PAX5: variants seen among roughly 807,000 people sequenced by gnomAD.
The protein encoded by PAX5 is paired box 5.
Under a neutral mutation model 43.7 loss-of-function variants are expected in PAX5, and 9 were observed. The observed-to-expected ratio is 0.21, with a 90% CI of 0.12 to 0.36. The LOEUF (loss-of-function observed/expected upper bound fraction) is 0.36, where lower values mean the gene tolerates loss of function less well. PAX5 is among the 10% of genes least tolerant of loss of function. The pLI, the probability that PAX5 is intolerant of heterozygous loss-of-function variation, is 1.00. For synonymous variants in PAX5, 228 were observed against 214.3 expected (o/e 1.06, Z -0.56); for missense variants, 383 against 532.7 (o/e 0.72, Z 2.77).
At chr9:36,932,375 G>T (rs1350655326) in intron 6 of PAX5, among the ~76,000 whole-genome samples, 1 of 152,154 alleles carries the variant, frequency 6.6e-6, no homozygotes, top group Admixed American at 6.5e-5. Context: ...ATAAAATGTG[G>T]TATATCTACA....
At chr9:36,946,303 G>A (rs942067282) in intron 6 of PAX5, among the ~76,000 whole-genome samples, 2 of 152,186 alleles carry the variant, frequency 1.3e-5, no homozygotes, top group African/African-American at 2.4e-5. Flanking sequence ...GAGCATTTCC[G>A]TGTGTTTCTC....
chr9:37,027,054 T>C (rs1026737195), intron 1 of PAX5, among the ~76,000 whole-genome samples: 1 of 152,188 alleles, frequency 6.6e-6, no homozygotes, highest in African/African-American at 2.4e-5. Flanking sequence ...TCGATGCTTC[T>C]GAGGTCCCTC....
At chr9:36,929,671 TCA>T (rs1830966465) in intron 6 of PAX5, among the ~76,000 whole-genome samples, 1 of 152,204 alleles carries the variant, frequency 6.6e-6, no homozygotes, top group Non-Finnish European at 1.5e-5. Context: ...AGTCAGCAAT[TCA>T]CAGATTTCCC....
In PAX5 at chr9:36,833,786, T is replaced by C. The variant is rs1330994880; in HGVS notation, c.*6774A>G. 1 of 232,832 alleles carries C rather than the reference T, an allele frequency of 4.3e-6. No individual in the cohort carries two copies. Among genetic ancestry groups the C allele is most frequent in the African/African-American group, 2.2e-5 (1 of 45,296 alleles). The allele number at this position is 232,832 out of a possible 1,614,324, so 14.4% of individuals were successfully genotyped here. A position where few individuals can be genotyped will look rare whatever the true frequency, so the allele number is the denominator to read the frequency against. On this transcript the variant is annotated 3_prime_UTR_variant, in exon 10 of 10. Transcript: ENST00000358127. Reference sequence around the variant, plus strand: ...ATTTTTTAAGAAGCATTTTTTTTTTTCAATCCGTTGGAGACAGATCATCTC... The same window carrying C: ...ATTTTTTAAGAAGCATTTTTTTTTTCCAATCCGTTGGAGACAGATCATCTC...
chr9:36,840,351 C>CT lies in PAX5; in HGVS notation c.*208dup, dbSNP rs1821937031. ...CCATCGGGAGAAGCTCATAGATTGGCTTTTAGAAATAGACAAGCATCCAGA... is the reference window on the plus strand; with the variant it reads ...CCATCGGGAGAAGCTCATAGATTGGCTTTTTAGAAATAGACAAGCATCCAGA... On this transcript the variant is annotated 3_prime_UTR_variant, in exon 10 of 10. Transcript: ENST00000358127. 1 of 623,662 alleles carries CT rather than the reference C, an allele frequency of 1.6e-6. No individual in the cohort carries two copies. The highest frequency in any genetic ancestry group is 2.8e-6 in the Non-Finnish European group (1 of 351,102). 38.6% of individuals were successfully genotyped at this position (623,662 alleles called of 1,614,324 possible).
chr9:36,850,932 G>A lies in PAX5; in HGVS notation c.1013-4003C>T, dbSNP rs374546326. 3.9e-5 allele frequency among the ~76,000 whole-genome samples: 6 copies of A among 152,358 alleles called. No individual in the cohort carries two copies. In the East Asian group the frequency reaches 9.6e-4, roughly 24 times the overall value. Reference sequence around the variant, plus strand: ...AAAGCCTCATGGGACTGGGCCTGCAGTTGGCACTGTAAACTGGGCCCCAAA... The same window carrying A: ...AAAGCCTCATGGGACTGGGCCTGCAATTGGCACTGTAAACTGGGCCCCAAA... On this transcript the variant is annotated intron_variant, in intron 8 of 9. Coordinates refer to ENST00000358127, the MANE Select transcript of PAX5 (RefSeq NM_016734.3).
chr9:36,840,526 C>A lies in PAX5; in HGVS notation c.*34G>T, dbSNP rs1821949054. On this transcript the variant is annotated 3_prime_UTR_variant, in exon 10 of 10. Transcript: ENST00000358127. ...GGGTGGCTGTCACCCTCAATAGGTGCCATCAGTGTTTGGTGCCCGCCTGGC... is the reference window on the plus strand; with the variant it reads ...GGGTGGCTGTCACCCTCAATAGGTGACATCAGTGTTTGGTGCCCGCCTGGC... 6 of 1,560,924 alleles carry A rather than the reference C, an allele frequency of 3.8e-6. No homozygotes were observed. In the East Asian group the frequency reaches 1.4e-4, roughly 36 times the overall value.
chr9:36,845,811 TA>T (rs1822515619), intron 9 of PAX5, among the ~76,000 whole-genome samples: 1 of 152,234 alleles, frequency 6.6e-6, no homozygotes, highest in South Asian at 2.1e-4. Flanking sequence ...GACACCAGGT[TA>T]TGGCTTTTCT....
rs141525327 is a variant in PAX5, at chr9:36,924,618, G to A, written c.781-1134C>T. 2.2e-3 allele frequency among the ~76,000 whole-genome samples: 330 copies of A among 151,506 alleles called. 1 individual carries two copies. Among genetic ancestry groups the A allele is most frequent in the South Asian group, 3.8e-3 (18 of 4,764 alleles). Reference sequence around the variant, plus strand: ...ACCTGTAGTCCCAGCTACTCGGGAAGCTGAGGCGGGAAGATCGACTGAGCC... The same window carrying A: ...ACCTGTAGTCCCAGCTACTCGGGAAACTGAGGCGGGAAGATCGACTGAGCC... On this transcript the variant is annotated intron_variant, in intron 6 of 9. Transcript: ENST00000358127.
chr9:36,875,491 G>C (rs981644557), intron 8 of PAX5, among the ~76,000 whole-genome samples: 2 of 152,192 alleles, frequency 1.3e-5, no homozygotes, highest in African/African-American at 4.8e-5. Context: ...GAAGCTCTGG[G>C]AGAGGAATGA....
At chr9:36,904,274 G>A (rs920052449) in intron 7 of PAX5, among the ~76,000 whole-genome samples, 2 of 152,138 alleles carry the variant, frequency 1.3e-5, no homozygotes, top group Non-Finnish European at 2.9e-5. Flanking sequence ...AACTCTGGGG[G>A]AAGAGCTCCC....
rs1238692614 is a variant in PAX5, at chr9:37,023,206, G to T, written c.47-2405C>A. Among the ~76,000 whole-genome samples the T allele has an allele frequency of 2.0e-5, 3 of 152,302 alleles. No individual in the cohort carries two copies. In the East Asian group the frequency reaches 5.8e-4, roughly 29 times the overall value. On this transcript the variant is annotated intron_variant, in intron 1 of 9. Transcript: ENST00000358127. Reference sequence around the variant, plus strand: ...AGAGGGAAAAGGAATGGAGAAGCTAGAATAGGCCAAGAAAAGAAAGACGAA... The same window carrying T: ...AGAGGGAAAAGGAATGGAGAAGCTATAATAGGCCAAGAAAAGAAAGACGAA...
At chr9:36,841,412 C>CT (rs1379742110) in intron 9 of PAX5, among the ~76,000 whole-genome samples, 1 of 152,266 alleles carries the variant, frequency 6.6e-6, no homozygotes, top group African/African-American at 2.4e-5. Context: ...GGCCTGCACC[C>CT]TCACCCCTTT....
intron 5 of PAX5, among the ~76,000 whole-genome samples, chr9:36,997,272 C>T (rs894473121): frequency 2.6e-5 from 4 of 152,306 alleles, no homozygotes; most frequent in South Asian, 2.1e-4. Flanking sequence ...CAACGTACCC[C>T]TACTGCCCAA....
At chr9:36,852,117 G>A (rs1401647932) in intron 8 of PAX5, among the ~76,000 whole-genome samples, 1 of 152,216 alleles carries the variant, frequency 6.6e-6, no homozygotes, top group African/African-American at 2.4e-5. Flanking sequence ...CTTCACGTTT[G>A]CAGATGCTCT....
intron 1 of PAX5, among the ~76,000 whole-genome samples, chr9:37,030,575 T>A (rs1345180122): frequency 1.3e-5 from 2 of 152,208 alleles, no homozygotes; most frequent in Admixed American, 1.3e-4. Flanking sequence ...GGCCGGGCCC[T>A]GTGCTAGGCG....
chr9:37,033,880 C>A, intron 1 of PAX5, 106 bp downstream of exon 1: 2 of 937,590 alleles, frequency 2.1e-6, no homozygotes, highest in Non-Finnish European at 3.4e-6. Flanking sequence ...ACAGTCTCTA[C>A]GAAAATGCGG....
At chr9:36,873,286 G>A (rs1226975305) in intron 8 of PAX5, among the ~76,000 whole-genome samples, 1 of 152,126 alleles carries the variant, frequency 6.6e-6, no homozygotes, top group African/African-American at 2.4e-5. Flanking sequence ...CTCCCTGAGG[G>A]CAGGGGCTGT....
chr9:36,936,414 G>A (rs1303054539), intron 6 of PAX5, among the ~76,000 whole-genome samples: 1 of 152,180 alleles, frequency 6.6e-6, no homozygotes, highest in African/African-American at 2.4e-5. Flanking sequence ...ATCTCCAGGT[G>A]GCCAAGTTCC....
Sources: gnomAD v4.1 joint callset for allele counts (sites outside exome capture counted in the v4.1 genomes callset) on GRCh38, gnomAD v4.1.1 for gene constraint, MANE v1.5 for transcripts, NCBI Gene and HGNC (gene_info 2026-07-23, HGNC 2026-07-21) for gene names.